Variants in DOCK8 observed in about 807,000 individuals in gnomAD.
The protein encoded by DOCK8 is dedicator of cytokinesis 8.
Under a neutral mutation model 245.6 loss-of-function variants are expected in DOCK8, and 141 were observed. The observed-to-expected ratio is 0.57, with a 90% confidence interval of 0.50 to 0.66. The LOEUF (loss-of-function observed/expected upper bound fraction) is 0.66, where lower values mean the gene tolerates loss of function less well. Ranked by LOEUF, DOCK8 falls within the 30% of genes least tolerant of loss-of-function variation. The pLI, the probability that DOCK8 is intolerant of heterozygous loss-of-function variation, is 0.00. For missense variants in DOCK8, 2,965 were observed against 2,603.4 expected, an observed-to-expected ratio of 1.14 and a Z score of -3.02; for synonymous variants, 1,168 against 970.2, an observed-to-expected ratio of 1.20 and a Z score of -3.79.
At chr9:301,969 C>G (rs2049567138) in intron 4 of DOCK8, among the ~76,000 whole-genome samples, 1 of 151,332 alleles carries the variant, frequency 6.6e-6, no homozygotes, top group South Asian at 2.1e-4. Flanking sequence ...TTAGCAACAT[C>G]ATTTTTTCAC....
chr9:417,662 A>G (rs558006954), intron 29 of DOCK8, among the ~76,000 whole-genome samples: 1 of 152,368 alleles, frequency 6.6e-6, no homozygotes, highest in South Asian at 2.1e-4. Context: ...GAAATATGAC[A>G]AATTATTGCT....
chr9:228,818 TC>T (rs1294777538), intron 1 of DOCK8, among the ~76,000 whole-genome samples: 1 of 152,170 alleles, frequency 6.6e-6, no homozygotes, highest in Admixed American at 6.5e-5. Context: ...CTGCTGGTCT[TC>T]CTGTAGACAT....
chr9:358,352 C>G (rs1307613506), intron 14 of DOCK8, among the ~76,000 whole-genome samples: 1 of 152,190 alleles, frequency 6.6e-6, no homozygotes, highest in Non-Finnish European at 1.5e-5. Flanking sequence ...CCTTGACCTC[C>G]CAAAGTGCTG....
At chr9:272,595 C>A (rs1223931617) in intron 2 of DOCK8, among the ~76,000 whole-genome samples, 1 of 152,128 alleles carries the variant, frequency 6.6e-6, no homozygotes, top group Non-Finnish European at 1.5e-5. Flanking sequence ...CTATGTTGCC[C>A]AGGCTGGTCT....
chr9:411,142 G>A (rs933726658), intron 28 of DOCK8, among the ~76,000 whole-genome samples: 1 of 152,208 alleles, frequency 6.6e-6, no homozygotes, highest in Non-Finnish European at 1.5e-5. Flanking sequence ...GCTGGGCGCA[G>A]TGGCTCATAC....
intron 1 of DOCK8, chr9:220,830 C>T (rs1005797634): frequency 8.8e-6 from 3 of 339,920 alleles, no homozygotes; most frequent in Non-Finnish European, 1.7e-5. Flanking sequence ...AAGCGATTCT[C>T]CTGCCTCAGC....
chr9:306,395 G>T (rs1005193290), intron 5 of DOCK8, among the ~76,000 whole-genome samples: 2 of 152,164 alleles, frequency 1.3e-5, no homozygotes, highest in African/African-American at 4.8e-5. Flanking sequence ...CAGTAATTTT[G>T]ACTGAATTCC....
intron 26 of DOCK8, among the ~76,000 whole-genome samples, chr9:404,252 T>G (rs2055310888): frequency 6.6e-6 from 1 of 151,844 alleles, no homozygotes; most frequent in South Asian, 2.1e-4. Context: ...GACAGTCACC[T>G]TTTTCTGCTT....
At chr9:437,701 G>A (rs2131779508) in intron 39 of DOCK8, among the ~76,000 whole-genome samples, 1 of 152,280 alleles carries the variant, frequency 6.6e-6, no homozygotes, top group African/African-American at 2.4e-5. Flanking sequence ...ATAAACTAGA[G>A]ATAAATAAAT....
At position 292,387 on chromosome 9, in the gene DOCK8, C is replaced by CA. The variant is rs5895837; in HGVS notation, c.404+2832dup. ...GGGCAACAAGAGTGAAACTCCGTCT[C>CA]AAAAAAAAAAAAAAAAAAAAAAAAA... On this transcript the variant is annotated intron_variant, in intron 4 of 47. Coordinates refer to ENST00000432829, the MANE Select transcript of DOCK8 (RefSeq NM_203447.4). 6.6e-3 allele frequency among the ~76,000 whole-genome samples: 418 copies of CA among 63,066 alleles called. 101 individuals are homozygous for CA. Among genetic ancestry groups the CA allele is most frequent in the African/African-American group, 0.024 (345 of 14,308 alleles). 41.4% of individuals were successfully genotyped at this position (63,066 alleles called of 152,430 possible).
rs1341123973 is a variant in DOCK8 at position 298,546 on chromosome 9, C to G, written c.405-6035C>G. On this transcript the variant is annotated intron_variant, in intron 4 of 47. Coordinates refer to ENST00000432829, the MANE Select transcript of DOCK8 (RefSeq NM_203447.4). ...TCTTAGAATTCACCTCATGTTCATG[C>G]TTTACCCTGTGAAGAAACAGAGGCA... 2.6e-5 allele frequency among the ~76,000 whole-genome samples: 4 copies of G among 151,908 alleles called. No individual in the cohort carries two copies. In the East Asian group the frequency reaches 7.7e-4, roughly 29 times the overall value.
intron 11 of DOCK8, 28 bp downstream of exon 11, chr9:334,412 G>A: frequency 1.2e-6 from 2 of 1,609,276 alleles, no homozygotes; most frequent in South Asian, 2.2e-5. Flanking sequence ...AGTGGGAAAG[G>A]GAGGGCTCCC....
chr9:370,982 C>T (rs943528144), intron 16 of DOCK8, among the ~76,000 whole-genome samples: 2 of 152,128 alleles, frequency 1.3e-5, no homozygotes, highest in East Asian at 1.9e-4. Context: ...GAACCTAGGG[C>T]TTCATAATGC....
Position 317,084 on chromosome 9 carries a change from G to A in DOCK8, c.783G>A (p.Lys261=), listed in dbSNP as rs771901453. The A allele has an allele frequency of 6.2e-7, 1 of 1,614,082 alleles. No homozygotes were observed. The change falls in exon 7 of 48, where the codon AAG becomes AAA. Residue 261 remains lysine (K), a synonymous_variant. Coordinates refer to ENST00000432829, the MANE Select transcript of DOCK8 (RefSeq NM_203447.4). The part of the protein sequence containing the change: ...VEIRPVPECP[K]EHLGNRILVK... ...TACGTCCAGTACCAGAATGTCCCAA[G>A]GAACACCTGGGCAACAGAATATTGG...
chr9:314,721 C>G (rs920914037), intron 6 of DOCK8, among the ~76,000 whole-genome samples: 13 of 152,128 alleles, frequency 8.5e-5, no homozygotes, highest in Non-Finnish European at 1.2e-4. Context: ...TGTGCTTTCT[C>G]CAAAGAAAGT....
At chr9:324,403 C>T (rs2050663303) in intron 7 of DOCK8, among the ~76,000 whole-genome samples, 1 of 152,140 alleles carries the variant, frequency 6.6e-6, no homozygotes, top group Non-Finnish European at 1.5e-5. Context: ...GTGCTCTCTG[C>T]AGGTAACATC....
intron 10 of DOCK8, among the ~76,000 whole-genome samples, chr9:333,677 A>G (rs2051161976): frequency 6.7e-6 from 1 of 149,422 alleles, no homozygotes; most frequent in Non-Finnish European, 1.5e-5. Flanking sequence ...ATAAATGTCA[A>G]GTAAGATTTA....
At position 436,669 on chromosome 9, in the gene DOCK8, A is replaced by AT. The variant is rs1363575542; in HGVS notation, c.5079+1696dup. Among the ~76,000 whole-genome samples, 3 of 152,368 alleles carry AT rather than the reference A, an allele frequency of 2.0e-5. No individual in the cohort carries two copies. In the East Asian group the frequency reaches 5.8e-4, roughly 29 times the overall value. ...TAATAATGACATGCCAAAGTGAATCATTATTACACAATCAACAGAAATATT... is the reference window on the plus strand; with the variant it reads ...TAATAATGACATGCCAAAGTGAATCATTTATTACACAATCAACAGAAATATT... On this transcript the variant is annotated intron_variant, in intron 39 of 47. Transcript: ENST00000432829.
At chr9:451,651 G>C (rs1190605224) in intron 45 of DOCK8, among the ~76,000 whole-genome samples, 1 of 151,574 alleles carries the variant, frequency 6.6e-6, no homozygotes, top group African/African-American at 2.4e-5. Flanking sequence ...CACACACACA[G>C]GGAAAATACA....
Sources: allele counts gnomAD v4.1 joint callset (sites outside exome capture counted in the v4.1 genomes callset), GRCh38; gene constraint gnomAD v4.1.1; transcripts MANE v1.5; gene names NCBI Gene and HGNC (gene_info 2026-07-23, HGNC 2026-07-21).